AFP: variants seen among roughly 807,000 people sequenced by gnomAD.
AFP encodes alpha fetoprotein.
Under a neutral mutation model 78.9 loss-of-function variants are expected in AFP, and 64 were observed. That is an observed-to-expected ratio of 0.81 (90% CI 0.66 to 1.00). AFP has a LOEUF of 1.00. Among genes scored for constraint, AFP ranks in the 50% least tolerant of loss-of-function variants. The pLI is 0.00. For missense variants in AFP, 689 were observed against 703.8 expected (o/e 0.98, Z 0.24); for synonymous variants, 254 against 243.8 (o/e 1.04, Z -0.39).
chr4:73,445,226 G>T, intron 7 of AFP, 104 bp downstream of exon 7: 2 of 1,385,676 alleles, frequency 1.4e-6, no homozygotes, highest in South Asian at 2.4e-5. Flanking sequence ...TGGTTACAGA[G>T]TATGTAAACT....
chr4:73,452,625 G>A lies in AFP; in HGVS notation c.1652+1G>A, dbSNP rs1291495860. 1.9e-6 allele frequency: 3 copies of A among 1,602,320 alleles called. No individual in the cohort carries two copies. Reference sequence around the variant, plus strand: ...TAGCGCTGCAAACAATGAAGCAAGAGTAAGAAACTGTTACTTGCTAGCATG... The same window carrying A: ...TAGCGCTGCAAACAATGAAGCAAGAATAAGAAACTGTTACTTGCTAGCATG... On this transcript the variant is annotated splice_donor_variant, in intron 12 of 14. Coordinates refer to ENST00000395792, the MANE Select transcript of AFP (RefSeq NM_001134.3). LOFTEE classifies it high-confidence loss of function.
At chr4:73,444,469 T>C (rs1348841257) in intron 6 of AFP, among the ~76,000 whole-genome samples, 4 of 152,164 alleles carry the variant, frequency 2.6e-5, no homozygotes, top group Non-Finnish European at 5.9e-5. Context: ...CCAGAATTTT[T>C]ATTTCTTACT....
intron 2 of AFP, among the ~76,000 whole-genome samples, chr4:73,437,588 T>C (rs1434342494): frequency 6.6e-6 from 1 of 152,094 alleles, no homozygotes; most frequent in East Asian, 1.9e-4. Flanking sequence ...CCATAGGTGA[T>C]AAAATATTCT....
Position 73,452,683 on chromosome 4 carries a change from A to C in AFP, c.1652+59A>C, listed in dbSNP as rs145847371. On this transcript the variant is annotated intron_variant, in intron 12 of 14. Transcript: ENST00000395792. ...ATGACAACCCCAAAGAGTAACTGAG[A>C]CTTCTACCTCGCTCACCTAACACTA... The C allele has an allele frequency of 1.3e-3, 1,711 of 1,345,586 alleles. 21 individuals carry two copies. The African/African-American group carries it at 0.021, about 17-fold the overall frequency. 83.4% of individuals were successfully genotyped at this position (1,345,586 alleles called of 1,614,324 possible). A position where few individuals can be genotyped will look rare whatever the true frequency, so the allele number is the denominator to read the frequency against.
chr4:73,439,892 A>T (rs2149333219), intron 3 of AFP, among the ~76,000 whole-genome samples: 1 of 152,048 alleles, frequency 6.6e-6, no homozygotes, highest in African/African-American at 2.4e-5. Flanking sequence ...TGGCATGTAA[A>T]ATGAGCATTT....
chr4:73,454,641 C>T (rs561786994), intron 13 of AFP, among the ~76,000 whole-genome samples: 1 of 152,082 alleles, frequency 6.6e-6, no homozygotes, highest in South Asian at 2.1e-4. Context: ...TATAACTTAG[C>T]GTTTTTGTCA....
At chr4:73,455,434 A>G in intron 14 of AFP, 144 bp downstream of exon 14, 1 of 722,862 alleles carries the variant, frequency 1.4e-6, no homozygotes, top group South Asian at 1.6e-5. Flanking sequence ...AAACACTTGA[A>G]CAAAATTACG....
At chr4:73,437,989 A>G (rs1719556815) in intron 2 of AFP, among the ~76,000 whole-genome samples, 185 bp from the exon 3 acceptor site, 1 of 152,150 alleles carries the variant, frequency 6.6e-6, no homozygotes, top group Non-Finnish European at 1.5e-5. Flanking sequence ...AAAGAAAACA[A>G]GAAAAAGACT....
In AFP at chr4:73,455,723, TA is replaced by T; in HGVS notation, c.*106del. The T allele has an allele frequency of 1.5e-6, 1 of 680,274 alleles. No individual in the cohort carries two copies. Among genetic ancestry groups the T allele is most frequent in the Non-Finnish European group, 2.6e-6 (1 of 378,104 alleles). The allele number at this position is 680,274 out of a possible 1,614,324, so 42.1% of individuals were successfully genotyped here. On this transcript the variant is annotated 3_prime_UTR_variant, in exon 15 of 15. Coordinates refer to ENST00000395792, the MANE Select transcript of AFP (RefSeq NM_001134.3). ...CACTTTTTGTGAATTAATGAAATGA[TA>T]AAGACTTTTATGTGAGATTTCCTTA...
rs1399126551 is a variant in AFP, at chr4:73,449,353, A to C, written c.1077A>C (p.Ser359=). ...ATTTCAGTTTTGTTCATGAATATTC[A>C]AGAAGACATCCTCAGCTTGCTGTCT... is the stretch of plus-strand genomic sequence containing the variant. The part of the protein sequence containing the change: ...IFLASFVHEY[S]RRHPQLAVSV... The change falls in exon 9 of 15, where the codon TCA becomes TCC. Residue 359 remains serine (S), a synonymous_variant. Transcript: ENST00000395792. The C allele has an allele frequency of 5.0e-6, 8 of 1,613,096 alleles. No individual in the cohort carries two copies. The highest frequency in any genetic ancestry group is 6.8e-6 in the Non-Finnish European group (8 of 1,179,468).
In AFP at chr4:73,436,297, TA is replaced by T. The variant is rs763153741; in HGVS notation, c.36del (p.Leu13Ter). The T allele has an allele frequency of 6.2e-7, 1 of 1,604,302 alleles. No individual in the cohort carries two copies. The highest frequency in any genetic ancestry group is 8.5e-7 in the Non-Finnish European group (1 of 1,172,644). On this transcript the variant is annotated frameshift_variant, in exon 1 of 15. Coordinates refer to ENST00000395792, the MANE Select transcript of AFP (RefSeq NM_001134.3). LOFTEE classifies it high-confidence loss of function. ...KWVESIFLIFLLNFTESRTLH... is the reference protein window; with the variant it reads ...KWVESIFLIFXLNFTESRTLH... ...GTGGAATCAATTTTTTTAATTTTCC[TA>T]CTAAATTTTACTGAATCCAGAACAC...
chr4:73,440,088 G>A (rs1209637450), intron 3 of AFP, among the ~76,000 whole-genome samples: 1 of 151,812 alleles, frequency 6.6e-6, no homozygotes, highest in Admixed American at 6.6e-5. Flanking sequence ...GTGTACACGG[G>A]CAGGATGAGC....
At position 73,442,258 on chromosome 4, in the gene AFP, G is replaced by A. The variant is rs1719691641; in HGVS notation, c.483-38G>A. The stretch of plus-strand genomic sequence containing the variant: ...CCAAGCAGTAGTAGTCCTATTTTTA[G>A]GTGTTTATAAATCTTCTAGCTCTAT... On this transcript the variant is annotated intron_variant, in intron 4 of 14. Transcript: ENST00000395792. 12 of 1,591,406 alleles carry A rather than the reference G, an allele frequency of 7.5e-6. No individual in the cohort carries two copies. The East Asian group carries it at 1.1e-4, about 15-fold the overall frequency.
At chr4:73,437,049 A>G in intron 1 of AFP, 111 bp from the exon 2 acceptor site, 1 of 843,550 alleles carries the variant, frequency 1.2e-6, no homozygotes, top group Non-Finnish European at 2.0e-6. Flanking sequence ...ATGTTCTTTT[A>G]ATTCTGAAAC....
intron 4 of AFP, 35 bp downstream of exon 4, chr4:73,440,848 A>C: frequency 1.7e-5 from 27 of 1,578,860 alleles, no homozygotes; most frequent in East Asian, 2.2e-5. Context: ...TGCAAACCTC[A>C]GAAACACAGC....
chr4:73,442,213 A>G, intron 4 of AFP, 83 bp from the exon 5 acceptor site: 1 of 1,329,258 alleles, frequency 7.5e-7, no homozygotes, highest in Non-Finnish European at 1.1e-6. Flanking sequence ...GAATCTTTAA[A>G]TAAATCCCAG....
intron 9 of AFP, among the ~76,000 whole-genome samples, chr4:73,449,693 A>G (rs553255509): frequency 2.0e-5 from 3 of 152,302 alleles, no homozygotes; most frequent in Admixed American, 1.3e-4. Flanking sequence ...CAAGTGTAGA[A>G]ATAAAAATGT....
chr4:73,449,612 T>A, intron 9 of AFP, 145 bp downstream of exon 9: 1 of 987,554 alleles, frequency 1.0e-6, no homozygotes, highest in Non-Finnish European at 1.5e-6. Flanking sequence ...TGTTATTAAC[T>A]AGCAGTCAGC....
At chr4:73,445,869 C>T (rs1719808654) in intron 7 of AFP, among the ~76,000 whole-genome samples, 1 of 152,080 alleles carries the variant, frequency 6.6e-6, no homozygotes, top group Non-Finnish European at 1.5e-5. Flanking sequence ...TTGGCTAACC[C>T]TAGACTTCCT....
Sources: gnomAD v4.1 joint callset for allele counts (sites outside exome capture counted in the v4.1 genomes callset) on GRCh38, gnomAD v4.1.1 for gene constraint, MANE v1.5 for transcripts, NCBI Gene and HGNC (gene_info 2026-07-23, HGNC 2026-07-21) for gene names.